EEF1AKMT2: variants seen among roughly 807,000 people sequenced by gnomAD.
EEF1AKMT2 encodes EEF1A lysine methyltransferase 2, also known as eukaryotic translation elongation factor 1 alpha lysine methyltransferase 2.
EEF1AKMT2 carries 32 observed loss-of-function variants against 35.8 expected under a neutral mutation model. That is an observed-to-expected ratio of 0.89 (90% CI 0.67 to 1.20). EEF1AKMT2 has a LOEUF of 1.20. EEF1AKMT2 is among the 50% of genes most tolerant of loss of function. The probability of loss-of-function intolerance (pLI) is 0.00; values close to 1 mark genes in which losing one functional copy is unlikely to be tolerated. For synonymous variants in EEF1AKMT2, 121 were observed against 133.7 expected (o/e 0.91, Z 0.65); for missense variants, 330 against 347.5 (o/e 0.95, Z 0.40).
rs542002343 is a variant in EEF1AKMT2 at position 124,782,766 on chromosome 10, T to C, written c.291+6277A>G. On this transcript the variant is annotated intron_variant, in intron 3 of 6. Transcript: ENST00000368836. ...AGGTGGAGGTTGCAGTGAGCCAAGA[T>C]CCCTCCATTGCACTCCAGCCTGGGC... Among the ~76,000 whole-genome samples the C allele has an allele frequency of 7.1e-4, 102 of 144,356 alleles. 3 individuals are homozygous for C. In the South Asian group the frequency reaches 0.021, roughly 30 times the overall value. The allele number at this position is 144,356 out of a possible 152,430, so 94.7% of individuals were successfully genotyped here. A position where few individuals can be genotyped will look rare whatever the true frequency, so the allele number is the denominator to read the frequency against.
At chr10:124,762,793 T>C (rs925607954) in intron 5 of EEF1AKMT2, among the ~76,000 whole-genome samples, 2 of 152,176 alleles carry the variant, frequency 1.3e-5, no homozygotes, top group African/African-American at 4.8e-5. Flanking sequence ...TGCTGGAAAA[T>C]GCAGGCATTG....
intron 3 of EEF1AKMT2, among the ~76,000 whole-genome samples, chr10:124,785,665 G>A (rs937506454): frequency 8.6e-5 from 13 of 151,944 alleles, no homozygotes; most frequent in Non-Finnish European, 1.8e-4. Context: ...AGGCCAAGGT[G>A]GGTAGATCAC....
At chr10:124,771,225 A>G (rs929133441) in intron 4 of EEF1AKMT2, among the ~76,000 whole-genome samples, 12 of 151,430 alleles carry the variant, frequency 7.9e-5, no homozygotes, top group African/African-American at 1.2e-4. Flanking sequence ...TCAGCCTCCC[A>G]AGTAGCTGAG....
At position 124,788,710 on chromosome 10, in the gene EEF1AKMT2, T is replaced by TTTTATATATATATATATA. The variant is rs1414544581; in HGVS notation, c.291+332_291+333insTATATATATATATATAAA. Among the ~76,000 whole-genome samples the TTTTATATATATATATATA allele has an allele frequency of 4.0e-4, 37 of 92,574 alleles. 4 individuals carry two copies. The highest frequency in any genetic ancestry group is 9.8e-4 in the South Asian group (2 of 2,048). The allele number at this position is 92,574 out of a possible 152,430, so 60.7% of individuals were successfully genotyped here. Reference sequence around the variant, plus strand: ...CTACTGGAATTGCAAAAGGTCATCTTTATATATATATATATATATGCATTT... The same window carrying TTTTATATATATATATATA: ...CTACTGGAATTGCAAAAGGTCATCTTTTTATATATATATATATATATATATATATATATATATGCATTT... On this transcript the variant is annotated intron_variant, in intron 3 of 6. Transcript: ENST00000368836.
At chr10:124,791,647 C>A in intron 1 of EEF1AKMT2, 77 bp downstream of exon 1, 1 of 1,531,838 alleles carries the variant, frequency 6.5e-7, no homozygotes, top group East Asian at 2.5e-5. Context: ...AGCCCCGGGT[C>A]TCCACCCCGC....
chr10:124,762,080 G>GA (rs1317858924), intron 6 of EEF1AKMT2, among the ~76,000 whole-genome samples: 6 of 151,966 alleles, frequency 3.9e-5, no homozygotes, highest in African/African-American at 4.8e-5. Context: ...CTTATAAACA[G>GA]AAAAAAATGT....
Position 124,759,693 on chromosome 10 carries a change from T to C in EEF1AKMT2, c.*810A>G, listed in dbSNP as rs930705838. On this transcript the variant is annotated 3_prime_UTR_variant, in exon 7 of 7. Coordinates refer to ENST00000368836, the MANE Select transcript of EEF1AKMT2 (RefSeq NM_212554.4). The stretch of plus-strand genomic sequence containing the variant: ...TATACGTAGAAACAAGAACAAGCAA[T>C]ACATACCTCAAGAAGACATTGAAAG... 3 of 152,190 alleles carry C rather than the reference T, an allele frequency of 2.0e-5. No homozygotes were observed. The highest frequency in any genetic ancestry group is 7.2e-5 in the African/African-American group (3 of 41,454). The allele number at this position is 152,190 out of a possible 1,614,324, so 9.4% of individuals were successfully genotyped here.
rs754076840 is a variant in EEF1AKMT2, at chr10:124,759,606, G to A, written c.*897C>T. ...CAGACAGACCCAGATAAAAATCCTGGCTCCATCCTGTACTGTTGAACCTCA... is the reference window on the plus strand; with the variant it reads ...CAGACAGACCCAGATAAAAATCCTGACTCCATCCTGTACTGTTGAACCTCA... On this transcript the variant is annotated 3_prime_UTR_variant, in exon 7 of 7. Coordinates refer to ENST00000368836, the MANE Select transcript of EEF1AKMT2 (RefSeq NM_212554.4). The A allele has an allele frequency of 6.6e-6, 1 of 152,136 alleles. No individual in the cohort carries two copies. The highest frequency in any genetic ancestry group is 2.4e-5 in the African/African-American group (1 of 41,438). 9.4% of individuals were successfully genotyped at this position (152,136 alleles called of 1,614,324 possible).
chr10:124,782,581 CAAAAAAAAAAA>C lies in EEF1AKMT2; in HGVS notation c.291+6451_291+6461del, dbSNP rs34882125. ...TGGGCGACAGAGCGAGACTCCGTCT[CAAAAAAAAAAA>C]AAAAAAAAAAAGAGTTCAAGACCAG... On this transcript the variant is annotated intron_variant, in intron 3 of 6. Coordinates refer to ENST00000368836, the MANE Select transcript of EEF1AKMT2 (RefSeq NM_212554.4). Among the ~76,000 whole-genome samples, 5 of 62,404 alleles carry C rather than the reference CAAAAAAAAAAA, an allele frequency of 8.0e-5. No individual in the cohort carries two copies. The Admixed American group carries it at 1.1e-3, about 14-fold the overall frequency. The allele number at this position is 62,404 out of a possible 152,430, so 40.9% of individuals were successfully genotyped here.
At chr10:124,772,080 T>G (rs941808789) in intron 4 of EEF1AKMT2, among the ~76,000 whole-genome samples, 1 of 152,106 alleles carries the variant, frequency 6.6e-6, no homozygotes, top group Admixed American at 6.6e-5. Context: ...GCAAAGAAGA[T>G]CTAGCATAAT....
At chr10:124,779,713 A>G (rs1244908052) in intron 3 of EEF1AKMT2, among the ~76,000 whole-genome samples, 1 of 129,670 alleles carries the variant, frequency 7.7e-6, no homozygotes, top group African/African-American at 3.0e-5. Flanking sequence ...GCACCACTGC[A>G]CTCCAGCCTG....
chr10:124,784,653 G>C (rs1245979059), intron 3 of EEF1AKMT2, among the ~76,000 whole-genome samples: 1 of 151,952 alleles, frequency 6.6e-6, no homozygotes, highest in Non-Finnish European at 1.5e-5. Context: ...AAAATAGGCA[G>C]GGCAGGGTGG....
chr10:124,764,140 C>T (rs561792360), intron 5 of EEF1AKMT2, among the ~76,000 whole-genome samples: 11 of 152,120 alleles, frequency 7.2e-5, no homozygotes, highest in African/African-American at 2.6e-4. Context: ...ATATGCAGTA[C>T]GGTTATAAAT....
chr10:124,771,735 GGCA>G (rs1324853726), intron 4 of EEF1AKMT2, among the ~76,000 whole-genome samples: 2 of 151,918 alleles, frequency 1.3e-5, no homozygotes, highest in Non-Finnish European at 1.5e-5. Flanking sequence ...CAGGTGTGGT[GGCA>G]GGCACCTGTA....
At chr10:124,783,136 C>CATTTT (rs1564908859) in intron 3 of EEF1AKMT2, among the ~76,000 whole-genome samples, 1 of 131,886 alleles carries the variant, frequency 7.6e-6, no homozygotes, top group Non-Finnish European at 1.6e-5. Flanking sequence ...TAGGGAAAAA[C>CATTTT]CTTTTTTTTT....
chr10:124,768,408 A>C (rs1322760109), intron 4 of EEF1AKMT2, among the ~76,000 whole-genome samples: 2 of 152,148 alleles, frequency 1.3e-5, no homozygotes, highest in African/African-American at 2.4e-5. Context: ...CAGGAGTTTG[A>C]GACCAGCCTG....
rs540279725 is a variant in EEF1AKMT2 at position 124,768,100 on chromosome 10, GCAGAGGGCAGCAAGTATA to G, written c.400-2510_400-2493del. Among the ~76,000 whole-genome samples the G allele has an allele frequency of 6.8e-4, 104 of 152,314 alleles. 3 individuals carry two copies. In the South Asian group the frequency reaches 0.021, roughly 30 times the overall value. ...AAGATCTGGGGCAAGAATACTCTAG[GCAGAGGGCAGCAAGTATA>G]CAGACTCAAAACAAGCTTGACATGT... is the stretch of plus-strand genomic sequence containing the variant. On this transcript the variant is annotated intron_variant, in intron 4 of 6. Transcript: ENST00000368836.
intron 1 of EEF1AKMT2, among the ~76,000 whole-genome samples, chr10:124,790,992 TG>T (rs1950629411): frequency 6.6e-6 from 1 of 152,172 alleles, no homozygotes; most frequent in South Asian, 2.1e-4. Flanking sequence ...CTCGATCTCC[TG>T]ACCTTGTGCT....
At position 124,788,250 on chromosome 10, in the gene EEF1AKMT2, C is replaced by T. The variant is rs1235478293; in HGVS notation, c.291+793G>A. Among the ~76,000 whole-genome samples the T allele has an allele frequency of 3.3e-5, 5 of 152,266 alleles. No homozygotes were observed. In the East Asian group the frequency reaches 9.6e-4, roughly 29 times the overall value. On this transcript the variant is annotated intron_variant, in intron 3 of 6. Coordinates refer to ENST00000368836, the MANE Select transcript of EEF1AKMT2 (RefSeq NM_212554.4). The stretch of plus-strand genomic sequence containing the variant: ...AATTTCCACCCAACTTGGATATTTA[C>T]TCCTCCAAGATGCTTCCCTACCCCT...
Sources: gnomAD v4.1 joint callset for allele counts (sites outside exome capture counted in the v4.1 genomes callset) on GRCh38, gnomAD v4.1.1 for gene constraint, MANE v1.5 for transcripts, NCBI Gene and HGNC (gene_info 2026-07-23, HGNC 2026-07-21) for gene names.